Variants in NOX3 observed in about 807,000 individuals in gnomAD.
The protein encoded by NOX3 is NADPH oxidase catalytic subunit-like 3.
In NOX3, 74 loss-of-function variants were observed where a neutral mutation model predicts 76.7. The observed-to-expected ratio is 0.96, with a 90% confidence interval of 0.80 to 1.17. The LOEUF is 1.17. NOX3 is among the 50% of genes most tolerant of loss of function. The probability of loss-of-function intolerance (pLI) is 0.00; values close to 1 mark genes in which losing one functional copy is unlikely to be tolerated. For synonymous variants in NOX3, 263 were observed against 261.1 expected, an observed-to-expected ratio of 1.01 and a Z score of -0.07; for missense variants, 695 against 703.3, an observed-to-expected ratio of 0.99 and a Z score of 0.13.
chr6:155,455,773 C>A lies in NOX3; in HGVS notation c.28G>T (p.Gly10Cys). The A allele has an allele frequency of 6.2e-7, 1 of 1,613,270 alleles. No individual in the cohort carries two copies. Reference protein sequence around the residue: MMGCWILNEGLSTILVLSWL... With the variant: MMGCWILNECLSTILVLSWL... ...CTTACTACTAATATGGTGGAGAGACCCTCATTCAAAATCCAGCACCCCATC... is the reference window on the plus strand; with the variant it reads ...CTTACTACTAATATGGTGGAGAGACACTCATTCAAAATCCAGCACCCCATC... Residue 10 changes from glycine to cysteine, a missense_variant, in exon 1 of 14, where the codon GGT becomes TGT. Gly to Cys is a radical substitution (Grantham distance 159, BLOSUM62 -3). Coordinates refer to ENST00000159060, the MANE Select transcript of NOX3 (RefSeq NM_015718.3).
intron 12 of NOX3, among the ~76,000 whole-genome samples, chr6:155,401,716 A>G (rs1779229190): frequency 6.6e-6 from 1 of 151,888 alleles, no homozygotes; most frequent in African/African-American, 2.4e-5. Context: ...GTTGGGTTAA[A>G]CTGTTCTAAC....
rs534711414 is a variant in NOX3 at position 155,416,744 on chromosome 6, CTT to C, written c.1309-5386_1309-5385del. Among the ~76,000 whole-genome samples the C allele has an allele frequency of 7.9e-3, 729 of 92,440 alleles. 2 individuals are homozygous for C. Among genetic ancestry groups the C allele is most frequent in the Non-Finnish European group, 0.012 (561 of 48,656 alleles). The allele number at this position is 92,440 out of a possible 152,430, so 60.6% of individuals were successfully genotyped here. ...GGACAACTGAAACATCTGAAACATT[CTT>C]TTTTTTTTTTTTTTTTTTTTTTGAG... On this transcript the variant is annotated intron_variant, in intron 10 of 13. Transcript: ENST00000159060.
At chr6:155,449,796 A>C (rs904159600) in intron 4 of NOX3, among the ~76,000 whole-genome samples, 1 of 152,226 alleles carries the variant, frequency 6.6e-6, no homozygotes. Flanking sequence ...ACACACCTCT[A>C]TTAAGCCAGC....
At chr6:155,443,243 G>A (rs188790493) in intron 5 of NOX3, 30 bp downstream of exon 5, 2 of 1,599,166 alleles carry the variant, frequency 1.3e-6, no homozygotes, top group Middle Eastern at 1.7e-4. Context: ...ATTTTTCAGG[G>A]GAGAAGCTTG....
chr6:155,446,784 G>A (rs1308166106), intron 4 of NOX3, among the ~76,000 whole-genome samples: 1 of 152,124 alleles, frequency 6.6e-6, no homozygotes, highest in African/African-American at 2.4e-5. Context: ...GTAGGTTGGT[G>A]TAAATGCTCC....
At chr6:155,454,950 G>T in intron 2 of NOX3, 29 bp from the exon 3 acceptor site, 1 of 1,587,146 alleles carries the variant, frequency 6.3e-7, no homozygotes, top group African/African-American at 1.3e-5. Context: ...ATAAAAAAGA[G>T]ATTCAGGGAA....
In NOX3 at chr6:155,422,826, G is replaced by C; in HGVS notation, c.1176C>G (p.Ala392=). The stretch of plus-strand genomic sequence containing the variant: ...CTGGGTAGTGAAATACATCTGTCAG[G>C]GCAGTTCCAAAGGGCCCGTCCACTG... ...RLAVDGPFGT[A]LTDVFHYPVC... Residue 392 remains alanine, a synonymous_variant, in exon 10 of 14, where the codon GCC becomes GCG. Coordinates refer to ENST00000159060, the MANE Select transcript of NOX3 (RefSeq NM_015718.3). 6.2e-7 allele frequency: 1 copy of C among 1,614,152 alleles called. No homozygotes were observed. Among genetic ancestry groups the C allele is most frequent in the Non-Finnish European group, 8.5e-7 (1 of 1,180,026 alleles).
chr6:155,411,072 T>G, intron 11 of NOX3, 142 bp downstream of exon 11: 3 of 627,516 alleles, frequency 4.8e-6, no homozygotes, highest in Non-Finnish European at 7.2e-6. Flanking sequence ...TCTGGTTTTA[T>G]TTTATTCTCC....
chr6:155,396,841 A>T lies in NOX3; in HGVS notation c.1702T>A (p.Phe568Ile), dbSNP rs1779145446. The part of the protein sequence containing the change: ...GVHFYYNKES[F>I] ...CTGGACTTGACCTCCAAAGTCTAGA[A>T]GCTCTCCTTGTTGTAATAGAAATGA... The change falls in exon 13 of 14, where the codon TTC (phenylalanine) becomes ATC (isoleucine). Residue 568 changes from phenylalanine (F) to isoleucine (I), a missense_variant. By Grantham distance (21) the Phe-to-Ile change is conservative. Coordinates refer to ENST00000159060, the MANE Select transcript of NOX3 (RefSeq NM_015718.3). 6.2e-7 allele frequency: 1 copy of T among 1,609,620 alleles called. No individual in the cohort carries two copies. The highest frequency in any genetic ancestry group is 8.5e-7 in the Non-Finnish European group (1 of 1,177,516).
At chr6:155,402,833 A>C (rs369897294) in intron 12 of NOX3, among the ~76,000 whole-genome samples, 1 of 152,204 alleles carries the variant, frequency 6.6e-6, no homozygotes, top group East Asian at 1.9e-4. Flanking sequence ...AATGGTTGAG[A>C]GCCTACTTCA....
intron 9 of NOX3, among the ~76,000 whole-genome samples, chr6:155,428,195 T>C (rs1776781760): frequency 6.6e-6 from 1 of 152,208 alleles, no homozygotes; most frequent in African/African-American, 2.4e-5. Flanking sequence ...GCCCAGACTT[T>C]TCTGAATAGA....
intron 12 of NOX3, among the ~76,000 whole-genome samples, chr6:155,397,251 T>C (rs537814267): frequency 1.8e-4 from 28 of 152,234 alleles, no homozygotes; most frequent in African/African-American, 4.8e-4. Context: ...CCCTGCAATG[T>C]TGGCACTTTA....
intron 5 of NOX3, among the ~76,000 whole-genome samples, chr6:155,442,840 C>A (rs1419317005): frequency 1.3e-5 from 2 of 152,074 alleles, no homozygotes; most frequent in African/African-American, 4.8e-5. Flanking sequence ...ATGAGGCATT[C>A]GGAGAACAGA....
intron 5 of NOX3, among the ~76,000 whole-genome samples, chr6:155,440,454 T>C (rs570871888): frequency 6.6e-6 from 1 of 150,992 alleles, no homozygotes; most frequent in South Asian, 2.1e-4. Flanking sequence ...AAAGTTATTA[T>C]ACTGGAAAAA....
At chr6:155,418,252 T>C (rs975456774) in intron 10 of NOX3, among the ~76,000 whole-genome samples, 3 of 152,128 alleles carry the variant, frequency 2.0e-5, no homozygotes, top group Non-Finnish European at 4.4e-5. Flanking sequence ...TTTCACAAAT[T>C]GAGTGTGATG....
chr6:155,406,635 G>A (rs1776464866), intron 12 of NOX3, among the ~76,000 whole-genome samples: 1 of 152,162 alleles, frequency 6.6e-6, no homozygotes, highest in African/African-American at 2.4e-5. Context: ...CAGAGGAGGA[G>A]ACAGAGTCAG....
At chr6:155,401,835 A>G (rs1182947532) in intron 12 of NOX3, among the ~76,000 whole-genome samples, 2 of 151,990 alleles carry the variant, frequency 1.3e-5, no homozygotes, top group African/African-American at 2.4e-5. Context: ...TTTTATGGTA[A>G]TTAATTACAT....
At chr6:155,430,961 GA>G in intron 7 of NOX3, 26 bp from the exon 8 acceptor site, 1 of 1,329,882 alleles carries the variant, frequency 7.5e-7, no homozygotes, top group Non-Finnish European at 1.1e-6. Flanking sequence ...GAGAGAGAGA[GA>G]AAAAGGAAAT....
intron 3 of NOX3, among the ~76,000 whole-genome samples, chr6:155,454,391 G>T (rs188805722): frequency 1.4e-4 from 21 of 152,316 alleles, no homozygotes; most frequent in African/African-American, 4.8e-4. Context: ...ATTATGTTTG[G>T]TAGAGGTTAA....
Sources: gnomAD v4.1 joint callset for allele counts (sites outside exome capture counted in the v4.1 genomes callset) on GRCh38, gnomAD v4.1.1 for gene constraint, MANE v1.5 for transcripts, NCBI Gene and HGNC (gene_info 2026-07-23, HGNC 2026-07-21) for gene names.